The following ZPBP variants were observed in gnomAD, a reference collection of about 807,000 sequenced individuals.
ZPBP encodes the protein zona pellucida-binding protein 1.
In ZPBP, 26 loss-of-function variants were observed where a neutral mutation model predicts 44.8. The ratio of observed to expected loss-of-function variants is 0.58; its 90% CI spans 0.43 to 0.81. The LOEUF is 0.81. Ranked by LOEUF, ZPBP falls within the 30% of genes least tolerant of loss-of-function variation. The probability of loss-of-function intolerance (pLI) is 0.00; values close to 1 mark genes in which losing one functional copy is unlikely to be tolerated. For missense variants in ZPBP, 409 were observed against 434.0 expected (o/e 0.94, Z 0.51); for synonymous variants, 174 against 153.2 (o/e 1.14, Z -1.00).
intron 2 of ZPBP, among the ~76,000 whole-genome samples, chr7:49,852,870 T>C (rs1790239830): frequency 6.6e-6 from 1 of 152,190 alleles, no homozygotes; most frequent in South Asian, 2.1e-4. Flanking sequence ...CAGTTGCAGA[T>C]GGAAACTGGC....
At chr7:49,877,094 G>A (rs1171374947) in intron 2 of ZPBP, among the ~76,000 whole-genome samples, 1 of 152,100 alleles carries the variant, frequency 6.6e-6, no homozygotes, top group East Asian at 1.9e-4. Flanking sequence ...TGCTGTAGTG[G>A]TGTGAGAATC....
rs551144941 is a variant in ZPBP, at chr7:49,925,586, G to C, written n.411+10165C>G. Among the ~76,000 whole-genome samples the C allele has an allele frequency of 3.3e-5, 5 of 152,308 alleles. No individual in the cohort carries two copies. In the East Asian group the frequency reaches 7.7e-4, roughly 23 times the overall value. The stretch of plus-strand genomic sequence containing the variant: ...ATCACCTGGAAAAAATTACCTACTT[G>C]GTTGTTCAGAGCCTCTTTTAAGGTA... On this transcript the variant is annotated intron_variant and non_coding_transcript_variant, in intron 1 of 2. Coordinates refer to the ZPBP transcript ENST00000465922.
At chr7:50,012,549 C>T (rs895118060) in intron 6 of ZPBP, among the ~76,000 whole-genome samples, 2 of 150,984 alleles carry the variant, frequency 1.3e-5, no homozygotes, top group Non-Finnish European at 3.0e-5. Context: ...AAATATAATG[C>T]AGATATAAGT....
intron 1 of ZPBP, chr7:49,915,052 A>G (rs570386179): frequency 6.6e-6 from 1 of 152,356 alleles, no homozygotes; most frequent in Non-Finnish European, 1.5e-5. Context: ...TATGTAAGCA[A>G]TAGAATGGTT....
intron 7 of ZPBP, among the ~76,000 whole-genome samples, chr7:49,945,873 G>A (rs1795083456): frequency 6.6e-6 from 1 of 151,754 alleles, no homozygotes; most frequent in Admixed American, 6.6e-5. Flanking sequence ...TTGCCATTTT[G>A]TCACTTGTTT....
chr7:50,054,958 T>C (rs936679335), intron 4 of ZPBP, among the ~76,000 whole-genome samples: 4 of 152,140 alleles, frequency 2.6e-5, no homozygotes, highest in African/African-American at 7.2e-5. Context: ...TAATTTATTA[T>C]ATTGGCAACA....
At chr7:49,854,912 C>T (rs1790353042) in intron 2 of ZPBP, among the ~76,000 whole-genome samples, 1 of 152,176 alleles carries the variant, frequency 6.6e-6, no homozygotes, top group Admixed American at 6.5e-5. Flanking sequence ...GGTTAAGTAA[C>T]TTGCCCAATG....
chr7:50,000,048 C>T (rs1431003363), intron 6 of ZPBP, among the ~76,000 whole-genome samples: 2 of 151,962 alleles, frequency 1.3e-5, no homozygotes, highest in African/African-American at 4.8e-5. Context: ...GGCTTCTACA[C>T]TTTATTTTTA....
chr7:50,073,997 A>G (rs1046213812), intron 3 of ZPBP, among the ~76,000 whole-genome samples: 2 of 152,128 alleles, frequency 1.3e-5, no homozygotes, highest in African/African-American at 4.8e-5. Flanking sequence ...ACAGAAAAAC[A>G]CAGAATATTA....
At chr7:50,004,877 T>C (rs983356653) in intron 6 of ZPBP, among the ~76,000 whole-genome samples, 1 of 150,478 alleles carries the variant, frequency 6.6e-6, no homozygotes, top group African/African-American at 2.4e-5. Flanking sequence ...GGGCAGAGAG[T>C]TTATTTAAAT....
At chr7:50,022,080 T>C (rs1024931542) in intron 5 of ZPBP, among the ~76,000 whole-genome samples, 41 of 152,090 alleles carry the variant, frequency 2.7e-4, no homozygotes, top group African/African-American at 9.7e-4. Flanking sequence ...CCAAGAATCC[T>C]GTATCTGGCA....
chr7:49,888,835 C>CGGGAGGCGGAGGTTGCA (rs1286831112), intron 2 of ZPBP, among the ~76,000 whole-genome samples: 29 of 152,076 alleles, frequency 1.9e-4, no homozygotes, highest in Non-Finnish European at 4.0e-4. Context: ...CGCTTGAACT[C>CGGGAGGCGGAGGTTGCA]GGGAGGCGGA....
intron 5 of ZPBP, among the ~76,000 whole-genome samples, chr7:50,027,192 T>G (rs779358034): frequency 3.3e-5 from 5 of 152,010 alleles, no homozygotes; most frequent in African/African-American, 9.7e-5. Flanking sequence ...AGAGACCATA[T>G]CTTCCCAAAT....
chr7:50,019,675 A>G (rs547561545), intron 5 of ZPBP, among the ~76,000 whole-genome samples: 1 of 152,168 alleles, frequency 6.6e-6, no homozygotes, highest in South Asian at 2.1e-4. Context: ...TTTGTTGTTT[A>G]AACATATTTC....
At chr7:49,900,108 A>G (rs971110104) in intron 2 of ZPBP, among the ~76,000 whole-genome samples, 3 of 151,788 alleles carry the variant, frequency 2.0e-5, no homozygotes, top group East Asian at 3.8e-4. Flanking sequence ...GTTTAAAAAT[A>G]TTTTAAACTA....
At chr7:50,055,117 C>A (rs926680915) in intron 4 of ZPBP, among the ~76,000 whole-genome samples, 2 of 152,112 alleles carry the variant, frequency 1.3e-5, no homozygotes, top group African/African-American at 4.8e-5. Context: ...TTCTGAAAGA[C>A]TAACAACTTA....
downstream of ZPBP, chr7:49,937,429 T>G (rs1794659038): frequency 1.1e-6 from 1 of 917,666 alleles, no homozygotes; most frequent in South Asian, 1.4e-5. Flanking sequence ...CACATTTTTT[T>G]GTAAAATATG....
chr7:49,923,813 A>T (rs1038181136), intron 1 of ZPBP, among the ~76,000 whole-genome samples: 5 of 152,210 alleles, frequency 3.3e-5, no homozygotes, highest in African/African-American at 1.2e-4. Flanking sequence ...ATCTTTATTT[A>T]AACTGCATTT....
At chr7:49,995,865 G>A (rs1326132953) in intron 6 of ZPBP, among the ~76,000 whole-genome samples, 1 of 152,140 alleles carries the variant, frequency 6.6e-6, no homozygotes, top group Non-Finnish European at 1.5e-5. Context: ...CCAGAAGGTG[G>A]GAAGAGGGTT....
Sources: allele counts gnomAD v4.1 joint callset (sites outside exome capture counted in the v4.1 genomes callset), GRCh38; gene constraint gnomAD v4.1.1; transcripts MANE v1.5; gene names NCBI Gene and HGNC (gene_info 2026-07-23, HGNC 2026-07-21).